The following VTI1A variants were observed in gnomAD, a reference collection of about 807,000 sequenced individuals.
VTI1A encodes vesicle transport through interaction with t-SNAREs homolog 1A.
Under a neutral mutation model 34.9 loss-of-function variants are expected in VTI1A, and 22 were observed. That is an observed-to-expected ratio of 0.63 (90% CI 0.45 to 0.90). VTI1A has a LOEUF of 0.90. Ranked by LOEUF, VTI1A falls within the 40% of genes least tolerant of loss-of-function variation. The probability of loss-of-function intolerance (pLI) is 0.00; values close to 1 mark genes in which losing one functional copy is unlikely to be tolerated. For synonymous variants in VTI1A, 87 were observed against 97.3 expected, an observed-to-expected ratio of 0.89 and a Z score of 0.62; for missense variants, 268 against 275.6, an observed-to-expected ratio of 0.97 and a Z score of 0.20.
chr10:112,709,982 T>G (rs1476768013), intron 7 of VTI1A, among the ~76,000 whole-genome samples: 1 of 144,920 alleles, frequency 6.9e-6, no homozygotes, highest in African/African-American at 2.6e-5. Flanking sequence ...ATTGTACTGC[T>G]CTTGTTGGAC....
chr10:112,573,529 G>T (rs983545149), intron 5 of VTI1A, among the ~76,000 whole-genome samples: 1 of 152,218 alleles, frequency 6.6e-6, no homozygotes, highest in Non-Finnish European at 1.5e-5. Flanking sequence ...GAAATTGACT[G>T]AGGTACAACC....
chr10:112,534,111 A>T (rs1462169927), intron 4 of VTI1A, among the ~76,000 whole-genome samples: 2 of 152,244 alleles, frequency 1.3e-5, no homozygotes, highest in East Asian at 3.9e-4. Context: ...CGTCATTGTT[A>T]AACACTTTGC....
At chr10:112,761,569 A>T (rs960657479) in intron 7 of VTI1A, among the ~76,000 whole-genome samples, 2 of 152,210 alleles carry the variant, frequency 1.3e-5, no homozygotes, top group African/African-American at 4.8e-5. Context: ...CTTTTAAAAA[A>T]ATATTTACAC....
intron 3 of VTI1A, among the ~76,000 whole-genome samples, chr10:112,513,750 G>A (rs929236068): frequency 6.6e-6 from 1 of 151,776 alleles, no homozygotes; most frequent in Non-Finnish European, 1.5e-5. Flanking sequence ...TTATGAAAAG[G>A]TGTTGAATTT....
intron 7 of VTI1A, chr10:112,738,021 A>G: frequency 4.4e-6 from 2 of 453,214 alleles, no homozygotes; most frequent in Non-Finnish European, 5.8e-6. Context: ...CTGGTTAATG[A>G]AGTTTGGATT....
chr10:112,776,729 A>G (rs1590174706), intron 7 of VTI1A, among the ~76,000 whole-genome samples: 1 of 130,236 alleles, frequency 7.7e-6, no homozygotes. Flanking sequence ...CCCAGGTTGG[A>G]GTACGTGGGG....
At chr10:112,851,169 AGT>A in the VTI1A span, among the ~76,000 whole-genome samples, 1 of 152,180 alleles carries the variant, frequency 6.6e-6, no homozygotes, top group Non-Finnish European at 1.5e-5. Flanking sequence ...AACTTAAGAG[AGT>A]GTGTGGGGTG....
At chr10:112,595,814 A>C (rs2134450320) in intron 5 of VTI1A, among the ~76,000 whole-genome samples, 1 of 152,174 alleles carries the variant, frequency 6.6e-6, no homozygotes, top group East Asian at 1.9e-4. Context: ...ATTACTGGGT[A>C]TATACCCAAA....
chr10:112,522,742 A>G (rs1314591059), intron 3 of VTI1A, among the ~76,000 whole-genome samples: 1 of 152,030 alleles, frequency 6.6e-6, no homozygotes, highest in Non-Finnish European at 1.5e-5. Context: ...TTAGTGAAAT[A>G]TCCTGTCTGC....
At chr10:112,784,970 C>T (rs1852242011) in intron 7 of VTI1A, among the ~76,000 whole-genome samples, 1 of 152,228 alleles carries the variant, frequency 6.6e-6, no homozygotes, top group Non-Finnish European at 1.5e-5. Flanking sequence ...TCATGTTACA[C>T]TCTGAAGCCA....
At chr10:112,644,197 G>A (rs1303162389) in intron 5 of VTI1A, among the ~76,000 whole-genome samples, 2 of 152,178 alleles carry the variant, frequency 1.3e-5, no homozygotes, top group Non-Finnish European at 2.9e-5. Context: ...TAGAATTTAA[G>A]TAGGAGTATT....
At chr10:112,838,803 C>T in the VTI1A span, among the ~76,000 whole-genome samples, 1 of 152,236 alleles carries the variant, frequency 6.6e-6, no homozygotes, top group Non-Finnish European at 1.5e-5. Flanking sequence ...TGGGTGAAAT[C>T]CCGATCCTGC....
chr10:112,626,586 A>G (rs1349199411), intron 5 of VTI1A, among the ~76,000 whole-genome samples: 7 of 152,156 alleles, frequency 4.6e-5, no homozygotes, highest in Admixed American at 2.6e-4. Context: ...TTGCAAAAAA[A>G]AAAGAAAGAA....
At chr10:112,623,713 A>G (rs1197096142) in intron 5 of VTI1A, among the ~76,000 whole-genome samples, 2 of 152,160 alleles carry the variant, frequency 1.3e-5, no homozygotes, top group African/African-American at 2.4e-5. Flanking sequence ...TTCCTATAGG[A>G]TTCCTCTGAC....
At chr10:112,834,444 G>C in the VTI1A span, among the ~76,000 whole-genome samples, 7 of 152,306 alleles carry the variant, frequency 4.6e-5, no homozygotes, top group Admixed American at 2.6e-4. Context: ...CAGATGGGAT[G>C]CTTCCCAAAG....
intron 5 of VTI1A, chr10:112,548,772 G>T: frequency 6.8e-7 from 1 of 1,480,272 alleles, no homozygotes; most frequent in Non-Finnish European, 9.1e-7. Flanking sequence ...AGAAGCTCTC[G>T]ACACACATGG....
At chr10:112,806,001 A>C (rs1159533460) in intron 7 of VTI1A, among the ~76,000 whole-genome samples, 1 of 152,174 alleles carries the variant, frequency 6.6e-6, no homozygotes, top group Non-Finnish European at 1.5e-5. Context: ...TGTTGAGCTA[A>C]GTATTAAGAA....
At chr10:112,518,651 G>A (rs1480800364) in intron 3 of VTI1A, among the ~76,000 whole-genome samples, 2 of 134,118 alleles carry the variant, frequency 1.5e-5, no homozygotes, top group African/African-American at 2.8e-5. Flanking sequence ...GTATATACGT[G>A]TATATATATA....
chr10:112,759,341 G>C (rs1309429057), intron 7 of VTI1A, among the ~76,000 whole-genome samples: 1 of 152,184 alleles, frequency 6.6e-6, no homozygotes, highest in African/African-American at 2.4e-5. Flanking sequence ...TCACTTATGA[G>C]CTGTAGTTAA....
Sources: gnomAD v4.1 joint callset for allele counts (sites outside exome capture counted in the v4.1 genomes callset) on GRCh38, gnomAD v4.1.1 for gene constraint, MANE v1.5 for transcripts, NCBI Gene and HGNC (gene_info 2026-07-23, HGNC 2026-07-21) for gene names.